SH3PXD2B: variants seen among roughly 807,000 people sequenced by gnomAD.
The protein encoded by SH3PXD2B is SH3 and PX domains 2B.
In SH3PXD2B, 37 loss-of-function variants were observed where a neutral mutation model predicts 73.1. The observed-to-expected ratio is 0.51, with a 90% CI of 0.39 to 0.67. The LOEUF is 0.67. Ranked by LOEUF, SH3PXD2B falls within the 30% of genes least tolerant of loss-of-function variation. The pLI, the probability that SH3PXD2B is intolerant of heterozygous loss-of-function variation, is 0.00. For missense variants in SH3PXD2B, 1,053 were observed against 1,197.8 expected (o/e 0.88, Z 1.78); for synonymous variants, 457 against 480.5 (o/e 0.95, Z 0.64).
chr5:172,387,635 G>T (rs1758088282), intron 4 of SH3PXD2B, among the ~76,000 whole-genome samples: 1 of 152,188 alleles, frequency 6.6e-6, no homozygotes, highest in Non-Finnish European at 1.5e-5. Flanking sequence ...AATCATTCAT[G>T]CAAAGAGATG....
At chr5:172,447,916 G>A (rs575462887) in intron 1 of SH3PXD2B, among the ~76,000 whole-genome samples, 8 of 152,308 alleles carry the variant, frequency 5.3e-5, no homozygotes, top group African/African-American at 1.9e-4. Context: ...GGGGAGCATG[G>A]TTGACCAGGT....
chr5:172,439,676 G>A (rs781518840), intron 1 of SH3PXD2B, among the ~76,000 whole-genome samples: 16 of 97,896 alleles, frequency 1.6e-4, no homozygotes, highest in African/African-American at 8.3e-4. Flanking sequence ...GTGTGCGTGC[G>A]TGCGCGCACG....
intron 8 of SH3PXD2B, among the ~76,000 whole-genome samples, chr5:172,355,606 G>A (rs990999376): frequency 6.6e-6 from 1 of 151,154 alleles, no homozygotes; most frequent in Admixed American, 6.6e-5. Flanking sequence ...GTGCAGTGGC[G>A]CGATCTCCAC....
Position 172,353,126 on chromosome 5 carries a change from C to A in SH3PXD2B, c.785+762G>T, listed in dbSNP as rs1239271389. 1.3e-5 allele frequency among the ~76,000 whole-genome samples: 2 copies of A among 152,168 alleles called. No homozygotes were observed. The highest frequency in any genetic ancestry group is 1.3e-4 in the Admixed American group (2 of 15,284). ...CCTCAGCTCCCAGAACAGGGCTGGG[C>A]CCAACAGAGATTCTTGGTGTGCGTT... On this transcript the variant is annotated intron_variant, in intron 9 of 12. Transcript: ENST00000311601. The surrounding 1 kb of genome is among the most constrained non-coding windows in gnomAD (Gnocchi z 4.3).
intron 2 of SH3PXD2B, among the ~76,000 whole-genome samples, chr5:172,412,163 A>G (rs909006364): frequency 1.3e-5 from 2 of 152,210 alleles, no homozygotes; most frequent in African/African-American, 4.8e-5. Flanking sequence ...TTAAGGCTGA[A>G]TAATATTTGA....
chr5:172,439,258 A>AAAAAAAAAC, intron 1 of SH3PXD2B, among the ~76,000 whole-genome samples: 1 of 85,656 alleles, frequency 1.2e-5, no homozygotes, highest in African/African-American at 5.0e-5. Context: ...AAAGAAAAAA[A>AAAAAAAAAC]AAAAACAAAA....
chr5:172,348,711 T>TATCC (rs1561896964), intron 10 of SH3PXD2B, among the ~76,000 whole-genome samples: 1 of 36,954 alleles, frequency 2.7e-5, no homozygotes, highest in African/African-American at 6.0e-5. Context: ...ATCTATCTAT[T>TATCC]TATTTATTTT....
intron 6 of SH3PXD2B, among the ~76,000 whole-genome samples, chr5:172,365,369 C>G (rs1033803416): frequency 5.9e-5 from 9 of 152,334 alleles, no homozygotes; most frequent in Non-Finnish European, 1.0e-4. Context: ...CTGGATCACA[C>G]AGCTGGCTAT....
chr5:172,382,966 G>A (rs1046519577), intron 4 of SH3PXD2B, among the ~76,000 whole-genome samples: 6 of 151,494 alleles, frequency 4.0e-5, no homozygotes, highest in African/African-American at 7.3e-5. Flanking sequence ...TCGAACTCCC[G>A]GCCTCAAGTG....
chr5:172,394,651 GA>G lies in SH3PXD2B; in HGVS notation c.233-13del, dbSNP rs1561920891. On this transcript the variant is annotated splice_polypyrimidine_tract_variant and intron_variant, in intron 3 of 12. Coordinates refer to ENST00000311601, the MANE Select transcript of SH3PXD2B (RefSeq NM_001017995.3). ...GAAGAGAATCTTACCTGCAGAAGAT[GA>G]GAGCAAAGACAGTGTTGTCAGGGAA... The G allele has an allele frequency of 6.2e-7, 1 of 1,613,694 alleles. No homozygotes were observed. Among genetic ancestry groups the G allele is most frequent in the Admixed American group, 1.7e-5 (1 of 60,006 alleles).
At chr5:172,446,389 T>G (rs774567550) in intron 1 of SH3PXD2B, among the ~76,000 whole-genome samples, 1 of 152,188 alleles carries the variant, frequency 6.6e-6, no homozygotes, top group Non-Finnish European at 1.5e-5. Flanking sequence ...ACTAACAGGC[T>G]GCTCGGGGGG....
At position 172,365,898 on chromosome 5, in the gene SH3PXD2B, G is replaced by A. The variant is rs867904451; in HGVS notation, c.428-3029C>T. 3.3e-5 allele frequency among the ~76,000 whole-genome samples: 5 copies of A among 152,132 alleles called. No homozygotes were observed. In the South Asian group the frequency reaches 1.0e-3, roughly 32 times the overall value. ...TGAATCCAATCCAGCATCTACCCCAGGATACAGCCTGCCCGAGGGCTCAAA... is the reference window on the plus strand; with the variant it reads ...TGAATCCAATCCAGCATCTACCCCAAGATACAGCCTGCCCGAGGGCTCAAA... On this transcript the variant is annotated intron_variant, in intron 6 of 12. Transcript: ENST00000311601.
intron 8 of SH3PXD2B, among the ~76,000 whole-genome samples, chr5:172,357,241 T>C (rs985051858): frequency 6.6e-6 from 1 of 150,866 alleles, no homozygotes; most frequent in Non-Finnish European, 1.5e-5. Context: ...CTGGCCAACA[T>C]GGCGAAACCC....
chr5:172,329,081 ATAT>A (rs1561884462), downstream of SH3PXD2B, among the ~76,000 whole-genome samples: 1 of 68,234 alleles, frequency 1.5e-5, no homozygotes, highest in Non-Finnish European at 2.7e-5. Flanking sequence ...ATATATATAT[ATAT>A]TTTTTTTTTT....
Position 172,335,855 on chromosome 5 carries a change from T to G in SH3PXD2B, c.*2514A>C. 8.2e-7 allele frequency: 1 copy of G among 1,226,566 alleles called. No individual in the cohort carries two copies. The highest frequency in any genetic ancestry group is 1.0e-6 in the Non-Finnish European group (1 of 985,322). The allele number at this position is 1,226,566 out of a possible 1,614,324, so 76.0% of individuals were successfully genotyped here. ...GACGTCCTCAGGCCATAGATATGAC[T>G]CAAGGAGAGAACAGTGAACAGAGAG... On this transcript the variant is annotated 3_prime_UTR_variant, in exon 13 of 13. Transcript: ENST00000311601.
Position 172,346,138 on chromosome 5 carries a change from C to A in SH3PXD2B, c.1186G>T (p.Glu396Ter). 6.2e-7 allele frequency: 1 copy of A among 1,614,050 alleles called. No individual in the cohort carries two copies. The highest frequency in any genetic ancestry group is 1.7e-5 in the Admixed American group (1 of 60,022). ...GISFQAGLKV[E>*]VIEKNLSGWW... is the part of the protein sequence containing the mutation. ...AAAGGAACACCAGGGCCACTCACCT[C>A]GACCTTCAGGCCTGCCTGGAAGCTG... The change falls in exon 12 of 13, where the codon GAG becomes TAG. Residue 396 changes from glutamate to a stop codon, truncating the protein, a stop_gained and splice_region_variant. Transcript: ENST00000311601. LOFTEE classifies it low-confidence loss of function (END_TRUNC).
At chr5:172,410,082 C>T (rs1343526623) in intron 2 of SH3PXD2B, among the ~76,000 whole-genome samples, 1 of 152,246 alleles carries the variant, frequency 6.6e-6, no homozygotes, top group African/African-American at 2.4e-5. Context: ...ACCTTGGCTG[C>T]TGTGACTAGA....
chr5:172,453,498 C>A (rs1020704098), intron 1 of SH3PXD2B, among the ~76,000 whole-genome samples: 4 of 152,214 alleles, frequency 2.6e-5, no homozygotes, highest in African/African-American at 7.2e-5. Context: ...CAGCCCCAGG[C>A]ACCCCTGCTG....
intron 5 of SH3PXD2B, among the ~76,000 whole-genome samples, chr5:172,375,253 A>T (rs1014336674): frequency 2.0e-5 from 3 of 151,960 alleles, no homozygotes; most frequent in African/African-American, 7.3e-5. Context: ...CCAGCTACTC[A>T]GGAGGCTGAG....
Sources: gnomAD v4.1 joint callset for allele counts (sites outside exome capture counted in the v4.1 genomes callset) on GRCh38, gnomAD v4.1.1 for gene constraint, Gnocchi (gnomAD v3.1) non-coding constraint, MANE v1.5 for transcripts, NCBI Gene and HGNC (gene_info 2026-07-23, HGNC 2026-07-21) for gene names.